Variants in MEF2A observed in about 807,000 individuals in gnomAD.
MEF2A encodes the protein myocyte enhancer factor 2A, also known as myocyte-specific enhancer factor 2A.
Under a neutral mutation model 55.8 loss-of-function variants are expected in MEF2A, and 28 were observed. The ratio of observed to expected loss-of-function variants is 0.50; its 90% CI spans 0.37 to 0.69. MEF2A has a LOEUF of 0.69. Ranked by LOEUF, MEF2A falls within the 30% of genes least tolerant of loss-of-function variation. The pLI is 0.00. For missense variants in MEF2A, 528 were observed against 626.2 expected (o/e 0.84, Z 1.67); for synonymous variants, 239 against 227.1 (o/e 1.05, Z -0.47).
At chr15:99,627,184 G>A (rs1313039207) in intron 2 of MEF2A, among the ~76,000 whole-genome samples, 1 of 151,930 alleles carries the variant, frequency 6.6e-6, no homozygotes, top group African/African-American at 2.4e-5. Context: ...TAAGGAACAC[G>A]AAGTGGGTTA....
chr15:99,626,619 A>C (rs542830197), intron 2 of MEF2A, among the ~76,000 whole-genome samples: 1 of 151,896 alleles, frequency 6.6e-6, no homozygotes, highest in East Asian at 1.9e-4. Context: ...CTATTCTTTA[A>C]CCTTTGTATT....
rs140831419 is a variant in MEF2A at position 99,569,113 on chromosome 15, T to C, written c.-225+3009T>C. ...TTTGCAAGCCCCAGTAAAGGAAGGC[T>C]GCTTGACTCTGTAGTCAGATCTTGA... is the stretch of plus-strand genomic sequence containing the variant. On this transcript the variant is annotated intron_variant, in intron 1 of 11. Transcript: ENST00000557942. Among the ~76,000 whole-genome samples the C allele has an allele frequency of 2.8e-3, 422 of 152,344 alleles. 2 individuals carry two copies. Among genetic ancestry groups the C allele is most frequent in the African/African-American group, 9.2e-3 (381 of 41,572 alleles).
chr15:99,691,100 GTTT>G (rs3979130), intron 8 of MEF2A, among the ~76,000 whole-genome samples: 2 of 122,912 alleles, frequency 1.6e-5, no homozygotes, highest in African/African-American at 3.0e-5. Context: ...TTCGAATCAG[GTTT>G]TTTTTTTTTT....
At chr15:99,702,564 A>AT (rs1341920538) in intron 8 of MEF2A, among the ~76,000 whole-genome samples, 1 of 150,814 alleles carries the variant, frequency 6.6e-6, no homozygotes, top group Non-Finnish European at 1.5e-5. Flanking sequence ...AGTAGCTGGG[A>AT]TTATAGGCAC....
At chr15:99,575,849 T>G (rs1964097624) in intron 1 of MEF2A, among the ~76,000 whole-genome samples, 1 of 152,232 alleles carries the variant, frequency 6.6e-6, no homozygotes, top group African/African-American at 2.4e-5. Context: ...ATATAATGGA[T>G]TCTTTTTTAT....
chr15:99,693,217 C>T (rs1294986965), intron 8 of MEF2A, among the ~76,000 whole-genome samples: 1 of 152,058 alleles, frequency 6.6e-6, no homozygotes, highest in African/African-American at 2.4e-5. Context: ...ATTACCCATG[C>T]TGAAATACAA....
rs1445270331 is a variant in MEF2A, at chr15:99,703,487, T to C, written c.882+102T>C. 3 of 1,185,098 alleles carry C rather than the reference T, an allele frequency of 2.5e-6. No homozygotes were observed. The Admixed American group carries it at 8.0e-5, about 32-fold the overall frequency. 73.4% of individuals were successfully genotyped at this position (1,185,098 alleles called of 1,614,324 possible). A position where few individuals can be genotyped will look rare whatever the true frequency, so the allele number is the denominator to read the frequency against. On this transcript the variant is annotated intron_variant, in intron 9 of 11. Coordinates refer to ENST00000557942, the MANE Select transcript of MEF2A (RefSeq NM_001319206.4). ...CCAATGTTCCCTTTGTTACACAAAT[T>C]TTTTTAAACACTATTCAAACACTTT...
chr15:99,571,982 G>A (rs1346341978), intron 1 of MEF2A, among the ~76,000 whole-genome samples: 1 of 151,288 alleles, frequency 6.6e-6, no homozygotes, highest in African/African-American at 2.4e-5. Context: ...TTTCTAAGTG[G>A]GCTGCTTCTT....
chr15:99,627,061 T>G (rs1392923206), intron 2 of MEF2A, among the ~76,000 whole-genome samples: 1 of 152,140 alleles, frequency 6.6e-6, no homozygotes, highest in Non-Finnish European at 1.5e-5. Flanking sequence ...CTAGCCATAT[T>G]TAGCTACATG....
chr15:99,602,755 CGTGTGTGTGTGT>C lies in MEF2A; in HGVS notation c.-143+4277_-143+4288del, dbSNP rs58540017. ...GGGGGGGTGGGGGTGGGGAGCTTTT[CGTGTGTGTGTGT>C]GTGTGTGTGTGTGTGTGTGTGTGTG... On this transcript the variant is annotated intron_variant, in intron 2 of 11. Coordinates refer to ENST00000557942, the MANE Select transcript of MEF2A (RefSeq NM_001319206.4). Among the ~76,000 whole-genome samples, 98 of 16,712 alleles carry C rather than the reference CGTGTGTGTGTGT, an allele frequency of 5.9e-3. 2 individuals carry two copies. The highest frequency in any genetic ancestry group is 0.019 in the African/African-American group (90 of 4,622). The allele number at this position is 16,712 out of a possible 152,430, so 11.0% of individuals were successfully genotyped here. A position where few individuals can be genotyped will look rare whatever the true frequency, so the allele number is the denominator to read the frequency against.
At chr15:99,572,035 T>A (rs1962566305) in intron 1 of MEF2A, among the ~76,000 whole-genome samples, 1 of 147,192 alleles carries the variant, frequency 6.8e-6, no homozygotes, top group South Asian at 2.3e-4. Flanking sequence ...TTTTTTTTCT[T>A]CACACAGCAG....
intron 4 of MEF2A, among the ~76,000 whole-genome samples, chr15:99,653,089 A>C (rs919896709): frequency 6.6e-6 from 1 of 152,208 alleles, no homozygotes; most frequent in Admixed American, 6.5e-5. Flanking sequence ...ATAAGATAAG[A>C]TATTATACTG....
intron 2 of MEF2A, among the ~76,000 whole-genome samples, chr15:99,609,844 T>C (rs1268058045): frequency 6.6e-6 from 1 of 152,134 alleles, no homozygotes; most frequent in Admixed American, 6.5e-5. Flanking sequence ...GGTTTTTATT[T>C]ATATATTTTA....
intron 6 of MEF2A, among the ~76,000 whole-genome samples, 168 bp from the exon 7 acceptor site, chr15:99,675,231 A>G (rs1047498111): frequency 2.0e-5 from 3 of 152,182 alleles, no homozygotes; most frequent in African/African-American, 7.2e-5. Flanking sequence ...TATAATAACT[A>G]CATCAGATTA....
At chr15:99,683,711 TAA>T (rs11299840) in intron 7 of MEF2A, among the ~76,000 whole-genome samples, 3,900 of 139,416 alleles carry the variant, frequency 0.028, 46 homozygotes, top group African/African-American at 0.041. Context: ...GGCCTTTTAT[TAA>T]AAAAAAAAAA....
chr15:99,712,685 C>G lies in MEF2A; in HGVS notation c.1432C>G (p.Pro478Ala). Residue 478 changes from proline (P) to alanine (A), a missense_variant, in exon 12 of 12, where the codon CCA (proline) becomes GCA (alanine). Physicochemically the swap from Pro to Ala is conservative, Grantham distance 27. Coordinates refer to ENST00000557942, the MANE Select transcript of MEF2A (RefSeq NM_001319206.4). The surrounding 1 kb of genome is among the most constrained non-coding windows in gnomAD (Gnocchi z 4.1). Reference protein sequence around the residue: ...REDPRGDFHSPIVLGRPPNTE... With the variant: ...REDPRGDFHSAIVLGRPPNTE... ...GGATCCACGGGGCGACTTCCATTCTCCAATTGTGCTTGGCCGACCCCCAAA... is the reference window on the plus strand; with the variant it reads ...GGATCCACGGGGCGACTTCCATTCTGCAATTGTGCTTGGCCGACCCCCAAA... 2 of 1,561,762 alleles carry G rather than the reference C, an allele frequency of 1.3e-6. No individual in the cohort carries two copies. The highest frequency in any genetic ancestry group is 2.4e-5 in the East Asian group (1 of 41,716).
At chr15:99,644,775 C>A (rs1428845067) in intron 3 of MEF2A, among the ~76,000 whole-genome samples, 1 of 152,144 alleles carries the variant, frequency 6.6e-6, no homozygotes, top group Non-Finnish European at 1.5e-5. Context: ...CCTTGCATTC[C>A]TTTCCCATCC....
chr15:99,582,175 CTTA>C (rs143610702), intron 1 of MEF2A, among the ~76,000 whole-genome samples: 5,169 of 152,100 alleles, frequency 0.034, 307 homozygotes, highest in African/African-American at 0.12. Flanking sequence ...TATGTCCTTT[CTTA>C]TTATTAACAT....
chr15:99,608,363 C>T (rs1189340023), intron 2 of MEF2A, among the ~76,000 whole-genome samples: 1 of 152,166 alleles, frequency 6.6e-6, no homozygotes, highest in African/African-American at 2.4e-5. Context: ...ACAGTTTACC[C>T]TTAAGCTTCT....
Sources: allele counts gnomAD v4.1 joint callset (sites outside exome capture counted in the v4.1 genomes callset), GRCh38; gene constraint gnomAD v4.1.1; non-coding constraint Gnocchi (gnomAD v3.1); transcripts MANE v1.5; gene names NCBI Gene and HGNC (gene_info 2026-07-23, HGNC 2026-07-21).